Variants in SLC9C1 observed in about 807,000 individuals in gnomAD.
The protein encoded by SLC9C1 is sodium/hydrogen exchanger 10.
In SLC9C1, 97 loss-of-function variants were observed where a neutral mutation model predicts 140.9. That is an observed-to-expected ratio of 0.69 (90% CI 0.58 to 0.82). SLC9C1 has a LOEUF of 0.82. SLC9C1 is among the 40% of genes least tolerant of loss of function. The probability of loss-of-function intolerance (pLI) is 0.00; values close to 1 mark genes in which losing one functional copy is unlikely to be tolerated. For missense variants in SLC9C1, 1,340 were observed against 1,389.3 expected (o/e 0.96, Z 0.56); for synonymous variants, 440 against 442.6 (o/e 0.99, Z 0.07).
chr3:112,189,148 G>T (rs973362585), intron 20 of SLC9C1, among the ~76,000 whole-genome samples: 8 of 152,186 alleles, frequency 5.3e-5, no homozygotes, highest in Non-Finnish European at 7.3e-5. Context: ...CAGATGGGTA[G>T]ATTGCAAAAA....
intron 20 of SLC9C1, among the ~76,000 whole-genome samples, chr3:112,186,910 T>A (rs958522961): frequency 1.3e-5 from 2 of 152,232 alleles, no homozygotes; most frequent in African/African-American, 4.8e-5. Context: ...GAAAAATTGC[T>A]AACTTTAACC....
intron 10 of SLC9C1, among the ~76,000 whole-genome samples, chr3:112,259,678 G>T (rs2079716591): frequency 6.6e-6 from 1 of 152,056 alleles, no homozygotes; most frequent in Admixed American, 6.6e-5. Flanking sequence ...CGGGTACTAT[G>T]TTTATTTCCT....
intron 13 of SLC9C1, among the ~76,000 whole-genome samples, chr3:112,221,868 A>G (rs1370564781): frequency 6.6e-6 from 1 of 152,174 alleles, no homozygotes; most frequent in African/African-American, 2.4e-5. Flanking sequence ...CCTGGCATCC[A>G]TATGCTGAAC....
At chr3:112,141,433 A>G in intron 28 of SLC9C1, 152 bp from the exon 29 acceptor site, 2 of 635,478 alleles carry the variant, frequency 3.1e-6, no homozygotes, top group Non-Finnish European at 5.0e-6. Context: ...AAGGAAATTG[A>G]GCAAGTGAGT....
intron 1 of SLC9C1, among the ~76,000 whole-genome samples, chr3:112,291,561 AG>A (rs1205386674): frequency 6.6e-6 from 1 of 152,214 alleles, no homozygotes; most frequent in African/African-American, 2.4e-5. Flanking sequence ...CAAAACCACA[AG>A]GAAGGTACCA....
intron 13 of SLC9C1, among the ~76,000 whole-genome samples, chr3:112,224,781 A>G (rs975748550): frequency 2.0e-5 from 3 of 151,980 alleles, no homozygotes; most frequent in Non-Finnish European, 2.9e-5. Context: ...AGAAAGATAC[A>G]TAGATAAGAA....
intron 20 of SLC9C1, among the ~76,000 whole-genome samples, chr3:112,191,048 A>G (rs1051608148): frequency 1.3e-5 from 2 of 151,974 alleles, no homozygotes; most frequent in East Asian, 3.9e-4. Context: ...TCATTATAAC[A>G]TTTGTATAGT....
At chr3:112,154,718 G>A (rs936862483) in intron 27 of SLC9C1, among the ~76,000 whole-genome samples, 7 of 152,152 alleles carry the variant, frequency 4.6e-5, no homozygotes, top group African/African-American at 7.2e-5. Flanking sequence ...TGCTACAACC[G>A]TAGCCATCCT....
In SLC9C1 at chr3:112,269,987, G is replaced by A. The variant is rs900039564; in HGVS notation, c.704C>T (p.Ser235Leu). The change falls in exon 7 of 29, where the codon TCA becomes TTA. Residue 235 changes from serine to leucine, a missense_variant. By Grantham distance (145) the Ser-to-Leu change is moderately radical (BLOSUM62 -2). Coordinates refer to ENST00000305815, the MANE Select transcript of SLC9C1 (RefSeq NM_183061.3). Reference protein sequence around the residue: ...LSSKLIQFWMSTVFGDDVNHI... With the variant: ...LSSKLIQFWMLTVFGDDVNHI... Reference sequence around the variant, plus strand: ...ATTGACATCATCACCAAAAACAGTTGACATCCAAAATTGAATCAGTTTTGA... The same window carrying A: ...ATTGACATCATCACCAAAAACAGTTAACATCCAAAATTGAATCAGTTTTGA... 3 of 1,600,776 alleles carry A rather than the reference G, an allele frequency of 1.9e-6. No individual in the cohort carries two copies. Among genetic ancestry groups the A allele is most frequent in the Non-Finnish European group, 2.6e-6 (3 of 1,174,476 alleles).
chr3:112,182,241 CT>C lies in SLC9C1; in HGVS notation c.2540del (p.Lys847ArgfsTer26). 1 of 1,602,650 alleles carries C rather than the reference CT, an allele frequency of 6.2e-7. No homozygotes were observed. Among genetic ancestry groups the C allele is most frequent in the Non-Finnish European group, 8.5e-7 (1 of 1,175,250 alleles). On this transcript the variant is annotated frameshift_variant, in exon 21 of 29. Coordinates refer to ENST00000305815, the MANE Select transcript of SLC9C1 (RefSeq NM_183061.3). LOFTEE classifies it high-confidence loss of function. The stretch of plus-strand genomic sequence containing the variant: ...TAGATTGAGAATCAAGCACCTCTTT[CT>C]TTTTGGCCATGATTAACTAAAACAT... ...AGINKLIMAK[K>X]KEVLDSQSII...
intron 25 of SLC9C1, among the ~76,000 whole-genome samples, chr3:112,167,698 C>T (rs1160984825): frequency 4.6e-5 from 7 of 151,866 alleles, no homozygotes; most frequent in Non-Finnish European, 8.8e-5. Context: ...ATTAAACTTT[C>T]TTTCTGCCAT....
intron 6 of SLC9C1, among the ~76,000 whole-genome samples, chr3:112,272,879 T>C (rs2080114418): frequency 1.3e-5 from 2 of 152,168 alleles, no homozygotes; most frequent in African/African-American, 4.8e-5. Flanking sequence ...AATAAATAAT[T>C]GTTGAATCAG....
chr3:112,185,516 A>G lies in SLC9C1; in HGVS notation c.2524-3258T>C, dbSNP rs1021320026. The G allele has an allele frequency of 6.8e-6, 11 of 1,612,466 alleles. No individual in the cohort carries two copies. In the African/African-American group the frequency reaches 1.5e-4, roughly 22 times the overall value. On this transcript the variant is annotated intron_variant, in intron 20 of 28. Transcript: ENST00000305815. ...TGATGATCTCTCCTTTTTCAGGTACAAAGACTTGCACAGGGGCCCCGTCAG... is the reference window on the plus strand; with the variant it reads ...TGATGATCTCTCCTTTTTCAGGTACGAAGACTTGCACAGGGGCCCCGTCAG...
At chr3:112,192,097 C>T (rs951398210) in intron 20 of SLC9C1, among the ~76,000 whole-genome samples, 12 of 151,048 alleles carry the variant, frequency 7.9e-5, no homozygotes, top group African/African-American at 2.7e-4. Flanking sequence ...ATACACGTAA[C>T]ATAAAAATTT....
intron 4 of SLC9C1, 129 bp from the exon 5 acceptor site, chr3:112,277,989 TG>T (rs1411103223): frequency 1.5e-6 from 1 of 652,254 alleles, no homozygotes; most frequent in African/African-American, 1.9e-5. Flanking sequence ...GACACAGGAG[TG>T]GGGCCATCTA....
chr3:112,220,453 G>C (rs1476201632), intron 14 of SLC9C1, among the ~76,000 whole-genome samples: 2 of 152,208 alleles, frequency 1.3e-5, no homozygotes, highest in African/African-American at 4.8e-5. Context: ...ATAGACTCTG[G>C]AAATAAGCTT....
chr3:112,204,674 G>A (rs890123674), intron 16 of SLC9C1, among the ~76,000 whole-genome samples: 5 of 151,966 alleles, frequency 3.3e-5, no homozygotes, highest in Non-Finnish European at 1.5e-5. Context: ...AAAAAGTAGC[G>A]ACAATGAAAA....
chr3:112,250,097 G>A (rs2079409091), intron 10 of SLC9C1, among the ~76,000 whole-genome samples: 1 of 142,686 alleles, frequency 7.0e-6, no homozygotes, highest in East Asian at 2.0e-4. Flanking sequence ...AGTGTGTGAT[G>A]TTCCCCTTCC....
At chr3:112,166,444 T>C (rs2077137548) in intron 26 of SLC9C1, among the ~76,000 whole-genome samples, 2 of 152,206 alleles carry the variant, frequency 1.3e-5, no homozygotes, top group South Asian at 4.1e-4. Flanking sequence ...TCCACATGGC[T>C]GGGGAGGCCT....
Sources: gnomAD v4.1 joint callset for allele counts (sites outside exome capture counted in the v4.1 genomes callset) on GRCh38, gnomAD v4.1.1 for gene constraint, MANE v1.5 for transcripts, NCBI Gene and HGNC (gene_info 2026-07-23, HGNC 2026-07-21) for gene names.